The following CDH12 variants were observed in gnomAD, a reference collection of about 807,000 sequenced individuals.
CDH12 encodes cadherin-12.
In CDH12, 41 loss-of-function variants were observed where a neutral mutation model predicts 74.1. The ratio of observed to expected loss-of-function variants is 0.55; its 90% CI spans 0.43 to 0.72. The LOEUF (loss-of-function observed/expected upper bound fraction) is 0.72. Ranked by LOEUF, CDH12 falls within the 30% of genes least tolerant of loss-of-function variation. The pLI is 0.00. For synonymous variants in CDH12, 399 were observed against 355.0 expected (o/e 1.12, Z -1.39); for missense variants, 945 against 977.2 (o/e 0.97, Z 0.44).
At position 21,816,882 on chromosome 5, in the gene CDH12, T is replaced by C. The variant is rs571936399; in HGVS notation, c.1002+63A>G. 3.3e-5 allele frequency: 36 copies of C among 1,104,030 alleles called. No individual in the cohort carries two copies. In the South Asian group the frequency reaches 6.0e-4, roughly 19 times the overall value. 68.4% of individuals were successfully genotyped at this position (1,104,030 alleles called of 1,614,324 possible). A position where few individuals can be genotyped will look rare whatever the true frequency, so the allele number is the denominator to read the frequency against. Reference sequence around the variant, plus strand: ...TTAAAATTACTTGTCATTTTCAATATTTATTTTTTATCTTCTTTAATTATT... The same window carrying C: ...TTAAAATTACTTGTCATTTTCAATACTTATTTTTTATCTTCTTTAATTATT... On this transcript the variant is annotated intron_variant, in intron 9 of 14. Coordinates refer to ENST00000382254, the MANE Select transcript of CDH12 (RefSeq NM_004061.5).
At chr5:21,780,531 A>G (rs1320179848) in intron 11 of CDH12, among the ~76,000 whole-genome samples, 1 of 152,248 alleles carries the variant, frequency 6.6e-6, no homozygotes, top group Non-Finnish European at 1.5e-5. Context: ...CAAGCCTATT[A>G]TGCCTACATC....
intron 3 of CDH12, among the ~76,000 whole-genome samples, chr5:22,252,908 T>A (rs1753183017): frequency 6.6e-6 from 1 of 151,962 alleles, no homozygotes; most frequent in African/African-American, 2.4e-5. Flanking sequence ...TAGAAACATG[T>A]TATCAGATGT....
chr5:22,094,339 C>G (rs1021643293), intron 4 of CDH12, among the ~76,000 whole-genome samples: 10 of 152,172 alleles, frequency 6.6e-5, no homozygotes, highest in African/African-American at 2.4e-4. Flanking sequence ...GAAATAGATA[C>G]TATGCTGCTC....
At position 22,509,517 on chromosome 5, in the gene CDH12, G is replaced by A. The variant is rs75260303; in HGVS notation, c.-522-4153C>T. The stretch of plus-strand genomic sequence containing the variant: ...CTACTAGCAATAAAGTCAGAGGAGT[G>A]GTAACTGATGATCCAGGAAATTTTC... On this transcript the variant is annotated intron_variant, in intron 1 of 14. Transcript: ENST00000382254. Among the ~76,000 whole-genome samples the A allele has an allele frequency of 6.3e-3, 959 of 152,212 alleles. 10 individuals carry two copies. The highest frequency in any genetic ancestry group is 0.021 in the African/African-American group (889 of 41,526).
Position 21,751,871 on chromosome 5 carries a change from G to T in CDH12, c.2251C>A (p.Leu751Ile). 1 of 1,614,020 alleles carries T rather than the reference G, an allele frequency of 6.2e-7. No individual in the cohort carries two copies. Among genetic ancestry groups the T allele is most frequent in the Non-Finnish European group, 8.5e-7 (1 of 1,180,006 alleles). The change falls in exon 15 of 15, where the codon CTC (leucine) becomes ATC (isoleucine). Residue 751 changes from leucine (L) to isoleucine (I), a missense_variant. Physicochemically the swap from Leu to Ile is conservative, Grantham distance 5 (BLOSUM62 2). This residue lies in a region of CDH12 where 791 missense variants were observed against 792.8 expected (regional missense o/e 1.00). Transcript: ENST00000382254. ...YEGSGSVAES[L>I]SSIDSLTTEA... ...GTGGTGAGAGAGTCTATAGAGCTGA[G>T]GGACTCTGCCACGGACCCACTCCCT...
chr5:22,499,902 G>C, intron 2 of CDH12, among the ~76,000 whole-genome samples: 1 of 152,142 alleles, frequency 6.6e-6, no homozygotes, highest in East Asian at 1.9e-4. Context: ...AACTAAAATA[G>C]ATAATTATGT....
intron 6 of CDH12, among the ~76,000 whole-genome samples, chr5:21,871,662 G>A (rs1325842990): frequency 2.6e-5 from 4 of 152,294 alleles, no homozygotes; most frequent in African/African-American, 9.6e-5. Flanking sequence ...AGGAGGCGTA[G>A]GTTGCAATGA....
intron 9 of CDH12, among the ~76,000 whole-genome samples, chr5:21,816,654 G>C (rs371265217): frequency 3.8e-4 from 19 of 49,720 alleles, no homozygotes; most frequent in African/African-American, 1.3e-3. Context: ...AAAAAAAAAA[G>C]AATAGAGTAT....
intron 1 of CDH12, among the ~76,000 whole-genome samples, chr5:22,523,833 T>A (rs1044157274): frequency 6.6e-6 from 1 of 152,114 alleles, no homozygotes; most frequent in African/African-American, 2.4e-5. Context: ...ATATACCCAA[T>A]TTCATTTTCA....
chr5:22,650,270 G>T (rs1048684611), intron 1 of CDH12, among the ~76,000 whole-genome samples: 1 of 151,870 alleles, frequency 6.6e-6, no homozygotes, highest in East Asian at 1.9e-4. Flanking sequence ...CAGAGGGAGG[G>T]TTTGTTTCAT....
chr5:21,861,899 A>AGTGC (rs1751064949), intron 6 of CDH12, among the ~76,000 whole-genome samples: 1 of 147,722 alleles, frequency 6.8e-6, no homozygotes, highest in Non-Finnish European at 1.5e-5. Flanking sequence ...GGTCATTTCT[A>AGTGC]GTGTGTGTGT....
At chr5:22,212,965 C>T (rs1214076751) in intron 3 of CDH12, among the ~76,000 whole-genome samples, 2 of 152,126 alleles carry the variant, frequency 1.3e-5, no homozygotes, top group African/African-American at 4.8e-5. Flanking sequence ...GATTAGCTGC[C>T]GTGCTAGCCA....
chr5:22,719,869 G>T (rs901103313), intron 1 of CDH12, among the ~76,000 whole-genome samples: 1 of 152,084 alleles, frequency 6.6e-6, no homozygotes, highest in African/African-American at 2.4e-5. Context: ...TGTTAGAGTA[G>T]GCAGATAGCC....
rs147719621 is a variant in CDH12, at chr5:22,078,587, A to C, written c.90T>G (p.Thr30=). 126 of 1,613,972 alleles carry C rather than the reference A, an allele frequency of 7.8e-5. 1 individual carries two copies. The African/African-American group carries it at 1.6e-3, about 21-fold the overall frequency. The part of the protein sequence containing the change: ...LTPLQPQPQQ[T]LATEPRENVI... ...CATTTTCTCTTGGCTCTGTGGCTAA[A>C]GTCTGCTGTGGCTGTGGTTGTAGTG... Residue 30 remains threonine, a synonymous_variant, in exon 5 of 15, where the codon ACT becomes ACG. Coordinates refer to ENST00000382254, the MANE Select transcript of CDH12 (RefSeq NM_004061.5).
intron 1 of CDH12, among the ~76,000 whole-genome samples, chr5:22,701,772 A>G (rs903166063): frequency 1.3e-5 from 2 of 152,112 alleles, no homozygotes; most frequent in Non-Finnish European, 2.9e-5. Flanking sequence ...CAATCTAAAC[A>G]ATTTCCCTTC....
chr5:22,441,707 T>A lies in CDH12; in HGVS notation c.-427-36356A>T, dbSNP rs529523700. Among the ~76,000 whole-genome samples, 23 of 152,234 alleles carry A rather than the reference T, an allele frequency of 1.5e-4. 1 individual carries two copies. The South Asian group carries it at 4.8e-3, about 32-fold the overall frequency. On this transcript the variant is annotated intron_variant, in intron 2 of 14. Transcript: ENST00000382254. ...AGATATATTATTTGTTTTGTTAATA[T>A]TATTATTTATTTTTTTCAAGACAGT... is the stretch of plus-strand genomic sequence containing the variant.
intron 1 of CDH12, among the ~76,000 whole-genome samples, chr5:22,537,248 G>T (rs932563382): frequency 6.6e-6 from 1 of 152,148 alleles, no homozygotes; most frequent in Non-Finnish European, 1.5e-5. Context: ...CTGCTAAATT[G>T]TGAAGTTAAC....
At chr5:22,384,574 T>C (rs2126396548) in intron 3 of CDH12, among the ~76,000 whole-genome samples, 1 of 150,806 alleles carries the variant, frequency 6.6e-6, no homozygotes, top group East Asian at 1.9e-4. Flanking sequence ...GTCTTTTTTA[T>C]CCATTACCAA....
chr5:22,521,375 G>A (rs985384755), intron 1 of CDH12, among the ~76,000 whole-genome samples: 5 of 151,966 alleles, frequency 3.3e-5, no homozygotes, highest in African/African-American at 4.8e-5. Context: ...TTCTTTGAAT[G>A]TGATAAGTAA....
Sources: allele counts gnomAD v4.1 joint callset (sites outside exome capture counted in the v4.1 genomes callset), GRCh38; gene constraint gnomAD v4.1.1; regional missense constraint gnomAD v4.1.1; transcripts MANE v1.5; gene names NCBI Gene and HGNC (gene_info 2026-07-23, HGNC 2026-07-21).